Variants in CNOT1 observed in about 807,000 individuals in gnomAD.
CNOT1 encodes CCR4-associated factor 1.
Under a neutral mutation model 273.8 loss-of-function variants are expected in CNOT1, and 15 were observed. That is an observed-to-expected ratio of 0.05 (90% CI 0.04 to 0.08). The LOEUF (loss-of-function observed/expected upper bound fraction) is 0.08. Among genes scored for constraint, CNOT1 ranks in the 10% least tolerant of loss-of-function variants. CNOT1 has a pLI of 1.00. For synonymous variants in CNOT1, 1,022 were observed against 1,005.5 expected (o/e 1.02, Z -0.31); for missense variants, 1,644 against 2,912.2 (o/e 0.56, Z 10.02).
chr16:58,535,101 A>C (rs1257928560), intron 39 of CNOT1, among the ~76,000 whole-genome samples: 1 of 152,236 alleles, frequency 6.6e-6, no homozygotes, highest in Admixed American at 6.5e-5. Flanking sequence ...TAAACAAACA[A>C]ACAAAAAAAG....
Position 58,537,032 on chromosome 16 carries a change from G to A in CNOT1, c.5603C>T (p.Ala1868Val). 1 of 1,614,198 alleles carries A rather than the reference G, an allele frequency of 6.2e-7. No homozygotes were observed. Among genetic ancestry groups the A allele is most frequent in the Non-Finnish European group, 8.5e-7 (1 of 1,180,036 alleles). ...EWVNLYHSAAAGRDSTKAFSA... is the reference protein window; with the variant it reads ...EWVNLYHSAAVGRDSTKAFSA... ...GAAAGCTTTGGTACTGTCGCGGCCA[G>A]CTGCTGCTGAATGGTAGAGATTCAC... The change falls in exon 39 of 49, where the codon GCT (alanine) becomes GTT (valine). Residue 1868 changes from alanine (A) to valine (V), a missense_variant. Around this residue, in one of 13 missense-constraint regions of CNOT1, gnomAD observed 133 missense variants for 328.2 expected, o/e 0.41. Coordinates refer to ENST00000317147, the MANE Select transcript of CNOT1 (RefSeq NM_016284.5).
intron 16 of CNOT1, 105 bp from the exon 17 acceptor site, chr16:58,560,467 C>CTA: frequency 6.8e-7 from 1 of 1,473,950 alleles, no homozygotes; most frequent in Non-Finnish European, 9.0e-7. Context: ...GAGTCTCACT[C>CTA]TGTCACCCAG....
chr16:58,626,128 C>A (rs2043570589), intron 1 of CNOT1, among the ~76,000 whole-genome samples: 1 of 152,112 alleles, frequency 6.6e-6, no homozygotes, highest in South Asian at 2.1e-4. Flanking sequence ...CAAGTTCAGG[C>A]CGGGTGCTAT....
At chr16:58,627,598 T>C (rs1395279545) in intron 1 of CNOT1, among the ~76,000 whole-genome samples, 6 of 151,926 alleles carry the variant, frequency 3.9e-5, no homozygotes, top group African/African-American at 1.5e-4. Context: ...TCTTATTATT[T>C]AGCTTGACAA....
chr16:58,550,366 T>C (rs2040409875), intron 24 of CNOT1, among the ~76,000 whole-genome samples: 1 of 152,190 alleles, frequency 6.6e-6, no homozygotes, highest in African/African-American at 2.4e-5. Flanking sequence ...TTTTCTTCTA[T>C]TAATACCTCC....
rs777775952 is a variant in CNOT1, at chr16:58,576,551, A to G, written c.1616T>C (p.Met539Thr). ...CATGTACCATTCTGCCATTGCATGC[A>G]TGATAAGTTGGCGAATTGAGGGAGA... ...GQSPSIRQLI[M>T]HAMAEWYMRG... Residue 539 changes from methionine (M) to threonine (T), a missense_variant, in exon 14 of 49, where the codon ATG (methionine) becomes ACG (threonine). Physicochemically the swap from Met to Thr is moderately conservative, Grantham distance 81. Transcript: ENST00000317147. The G allele has an allele frequency of 1.2e-6, 2 of 1,614,184 alleles. No homozygotes were observed. The highest frequency in any genetic ancestry group is 1.7e-6 in the Non-Finnish European group (2 of 1,180,022).
intron 1 of CNOT1, among the ~76,000 whole-genome samples, chr16:58,625,279 G>A (rs1432055976): frequency 1.3e-5 from 2 of 152,058 alleles, no homozygotes; most frequent in East Asian, 1.9e-4. Flanking sequence ...TTGGGAGGCC[G>A]AGGCAGGTGG....
chr16:58,619,432 C>CTT (rs1023753231), intron 1 of CNOT1, among the ~76,000 whole-genome samples: 5 of 144,656 alleles, frequency 3.5e-5, no homozygotes, highest in African/African-American at 7.6e-5. Flanking sequence ...CATTTTCTTT[C>CTT]TTTTTTTTTT....
At chr16:58,602,577 A>C (rs527926710) in intron 1 of CNOT1, among the ~76,000 whole-genome samples, 9 of 144,678 alleles carry the variant, frequency 6.2e-5, no homozygotes, top group Admixed American at 2.1e-4. Context: ...AAAAAAAAAA[A>C]CCCATCCATA....
intron 1 of CNOT1, among the ~76,000 whole-genome samples, chr16:58,616,732 A>C (rs937796934): frequency 3.3e-5 from 5 of 151,950 alleles, no homozygotes; most frequent in African/African-American, 1.2e-4. Context: ...ATTTGGCAGC[A>C]TTTTTTTCAA....
At position 58,543,921 on chromosome 16, in the gene CNOT1, A is replaced by G. The variant is rs778080685; in HGVS notation, c.4138-18T>C. ...AAGGGAATCTGGGGGGTTGGGGAGG[A>G]CAAAGTCAACACCTTGTTTAAATAA... On this transcript the variant is annotated intron_variant, in intron 30 of 48. Transcript: ENST00000317147. 1 of 1,579,142 alleles carries G rather than the reference A, an allele frequency of 6.3e-7. No homozygotes were observed. Among genetic ancestry groups the G allele is most frequent in the Non-Finnish European group, 8.6e-7 (1 of 1,160,984 alleles).
At chr16:58,538,621 ACTT>A in intron 36 of CNOT1, 148 bp downstream of exon 36, 1 of 1,190,544 alleles carries the variant, frequency 8.4e-7, no homozygotes. Flanking sequence ...GAAAACAACT[ACTT>A]AACAATTCTC....
intron 2 of CNOT1, among the ~76,000 whole-genome samples, chr16:58,591,686 A>C (rs937000136): frequency 6.6e-6 from 1 of 151,924 alleles, no homozygotes; most frequent in African/African-American, 2.4e-5. Flanking sequence ...CCCAGGAGGC[A>C]GAGGTTGCAG....
intron 1 of CNOT1, among the ~76,000 whole-genome samples, chr16:58,614,332 C>G (rs543723026): frequency 1.6e-5 from 2 of 124,004 alleles, no homozygotes; most frequent in African/African-American, 5.4e-5. Flanking sequence ...CCCAGGGCTA[C>G]TAAGAGTGAC....
chr16:58,562,804 C>T (rs180991123), intron 16 of CNOT1, among the ~76,000 whole-genome samples: 127 of 152,206 alleles, frequency 8.3e-4, no homozygotes, highest in Non-Finnish European at 1.8e-4. Context: ...GCCTGGGTGA[C>T]AGTGCGAGAC....
intron 1 of CNOT1, among the ~76,000 whole-genome samples, chr16:58,611,819 T>C (rs905406491): frequency 1.1e-4 from 7 of 62,326 alleles, no homozygotes; most frequent in Non-Finnish European, 2.0e-4. Flanking sequence ...AGACTCTGTC[T>C]CAAAAAAAAA....
Position 58,581,506 on chromosome 16 carries a change from A to G in CNOT1, c.1054T>C (p.Leu352=). Residue 352 remains leucine, a synonymous_variant, in exon 11 of 49, where the codon TTG becomes CTG. Coordinates refer to ENST00000317147, the MANE Select transcript of CNOT1 (RefSeq NM_016284.5). ...IDVLKELNPS[L]NFKEVTYELD... The stretch of plus-strand genomic sequence containing the variant: ...TCATAAGTTACTTCCTTGAAATTCA[A>G]ACTTGGATTCTAAAAAAGACCAAAG... 6.2e-7 allele frequency: 1 copy of G among 1,611,298 alleles called. No individual in the cohort carries two copies. The highest frequency in any genetic ancestry group is 1.3e-5 in the African/African-American group (1 of 74,956).
At chr16:58,578,452 CAA>C (rs61105275) in intron 13 of CNOT1, among the ~76,000 whole-genome samples, 11 of 103,046 alleles carry the variant, frequency 1.1e-4, no homozygotes, top group East Asian at 4.3e-4. Flanking sequence ...GACACCATCT[CAA>C]AAAAAAAAAA....
intron 44 of CNOT1, chr16:58,528,143 T>G: frequency 4.0e-6 from 2 of 493,842 alleles, no homozygotes; most frequent in South Asian, 3.1e-5. Context: ...AAGGTCTGTT[T>G]GTTCTGCAAT....
Sources: allele counts gnomAD v4.1 joint callset (sites outside exome capture counted in the v4.1 genomes callset), GRCh38; gene constraint gnomAD v4.1.1; regional missense constraint gnomAD v4.1.1; transcripts MANE v1.5; gene names NCBI Gene and HGNC (gene_info 2026-07-23, HGNC 2026-07-21).